The following VPS13B variants were observed in gnomAD, a reference collection of about 807,000 sequenced individuals.
VPS13B encodes the protein intermembrane lipid transfer protein VPS13B.
VPS13B carries 285 observed loss-of-function variants against 426.4 expected under a neutral mutation model. The observed-to-expected ratio is 0.67, with a 90% CI of 0.61 to 0.74. The LOEUF (loss-of-function observed/expected upper bound fraction) is 0.74, where lower values mean the gene tolerates loss of function less well. Ranked by LOEUF, VPS13B falls within the 30% of genes least tolerant of loss-of-function variation. The pLI is 0.00. For missense variants in VPS13B, 4,537 were observed against 4,782.6 expected, an observed-to-expected ratio of 0.95 and a Z score of 1.51; for synonymous variants, 1,676 against 1,676.4, an observed-to-expected ratio of 1.00 and a Z score of 0.01.
chr8:99,492,258 C>T (rs141159992), intron 25 of VPS13B, among the ~76,000 whole-genome samples: 5 of 152,248 alleles, frequency 3.3e-5, no homozygotes, highest in African/African-American at 9.6e-5. Context: ...GAGGGGCATC[C>T]GCCTGTATGA....
chr8:99,699,951 G>T lies in VPS13B; in HGVS notation c.6454+19G>T. 6.2e-7 allele frequency: 1 copy of T among 1,612,910 alleles called. No homozygotes were observed. The highest frequency in any genetic ancestry group is 8.5e-7 in the Non-Finnish European group (1 of 1,179,584). On this transcript the variant is annotated intron_variant, in intron 36 of 61. Coordinates refer to ENST00000357162, the MANE Select transcript of VPS13B (RefSeq NM_152564.5). ...GTACCTGGTAAGTCACAGAAAAGGG[G>T]AGGGGGGAGACAGAACAAGTAAGAT... is the stretch of plus-strand genomic sequence containing the variant.
chr8:99,640,811 C>G (rs112148820), intron 33 of VPS13B, among the ~76,000 whole-genome samples: 219 of 152,176 alleles, frequency 1.4e-3, no homozygotes, highest in African/African-American at 5.0e-3. Flanking sequence ...ACAAGTGAAG[C>G]AAACCTGTGC....
Position 99,481,573 on chromosome 8 carries a change from T to C in VPS13B, c.3667-26T>C, listed in dbSNP as rs770706816. 2.5e-6 allele frequency: 4 copies of C among 1,609,590 alleles called. No homozygotes were observed. In the South Asian group the frequency reaches 3.3e-5, roughly 13 times the overall value. On this transcript the variant is annotated intron_variant, in intron 24 of 61. Transcript: ENST00000357162. ...AAACTGGAAGTTGAAAGACTTGTTT[T>C]CTTTTCTTTTTTCTTATGCTCTCAG...
chr8:99,738,445 G>A (rs2122341), intron 39 of VPS13B, among the ~76,000 whole-genome samples: 5,177 of 152,226 alleles, frequency 0.034, 103 homozygotes, highest in East Asian at 0.046. Context: ...CTTAAAAGAT[G>A]GGTACTCAAA....
At chr8:99,071,808 T>A (rs1390434267) in intron 3 of VPS13B, among the ~76,000 whole-genome samples, 1 of 152,098 alleles carries the variant, frequency 6.6e-6, no homozygotes, top group Non-Finnish European at 1.5e-5. Flanking sequence ...CTTCCCACTG[T>A]TTCCTCTCCT....
At chr8:99,573,343 C>T (rs1825589375) in intron 31 of VPS13B, among the ~76,000 whole-genome samples, 1 of 152,124 alleles carries the variant, frequency 6.6e-6, no homozygotes, top group South Asian at 2.1e-4. Flanking sequence ...GTTGCCATTG[C>T]TTTTGTTGTT....
intron 7 of VPS13B, among the ~76,000 whole-genome samples, chr8:99,117,588 A>G (rs1315497031): frequency 1.3e-5 from 2 of 152,230 alleles, no homozygotes; most frequent in Non-Finnish European, 2.9e-5. Context: ...TGGCATATTC[A>G]TACATTGGAG....
intron 55 of VPS13B, among the ~76,000 whole-genome samples, chr8:99,850,661 C>A (rs1285257658): frequency 6.6e-6 from 1 of 152,148 alleles, no homozygotes; most frequent in African/African-American, 2.4e-5. Context: ...TGTGGTGGCT[C>A]ACACCTGTAA....
chr8:99,838,660 T>C (rs955694516), intron 54 of VPS13B, among the ~76,000 whole-genome samples: 8 of 152,118 alleles, frequency 5.3e-5, no homozygotes, highest in African/African-American at 1.9e-4. Flanking sequence ...GTGGAGGAGA[T>C]AGATAATAAG....
chr8:99,351,458 G>A (rs1811888704), intron 19 of VPS13B, among the ~76,000 whole-genome samples: 1 of 151,874 alleles, frequency 6.6e-6, no homozygotes, highest in Admixed American at 6.6e-5. Flanking sequence ...GTGTGTGTGT[G>A]TGTGTATGTA....
chr8:99,431,386 A>G, intron 21 of VPS13B, 151 bp from the exon 22 acceptor site: 1 of 1,071,454 alleles, frequency 9.3e-7, no homozygotes, highest in Non-Finnish European at 1.3e-6. Context: ...TCAGTTCTAT[A>G]AGAGAAAATG....
chr8:99,568,358 T>C (rs933466423), intron 31 of VPS13B, among the ~76,000 whole-genome samples: 5 of 151,696 alleles, frequency 3.3e-5, no homozygotes, highest in Admixed American at 6.6e-5. Context: ...TGGTGCAATC[T>C]CGTCTCACTG....
At chr8:99,743,296 C>G (rs1279319418) in intron 39 of VPS13B, among the ~76,000 whole-genome samples, 1 of 151,922 alleles carries the variant, frequency 6.6e-6, no homozygotes, top group Non-Finnish European at 1.5e-5. Flanking sequence ...AGGAGAACTA[C>G]AAACCACTGC....
Position 99,875,603 on chromosome 8 carries a change from T to G in VPS13B, c.11931T>G (p.Ala3977=). The G allele has an allele frequency of 6.2e-7, 1 of 1,614,188 alleles. No individual in the cohort carries two copies. The highest frequency in any genetic ancestry group is 1.1e-5 in the South Asian group (1 of 91,078). The stretch of plus-strand genomic sequence containing the variant: ...ATTACCTGGTTGATCCACATTTTGC[T>G]CAGGTCTTCCTTAGTAAATTTACCA... ...TYHYLVDPHF[A]QVFLSKFTMV... Residue 3977 remains alanine (A), a synonymous_variant, in exon 62 of 62, where the codon GCT becomes GCG. Coordinates refer to ENST00000357162, the MANE Select transcript of VPS13B (RefSeq NM_152564.5).
chr8:99,424,951 A>C (rs1257524412), intron 21 of VPS13B, among the ~76,000 whole-genome samples: 1 of 152,238 alleles, frequency 6.6e-6, no homozygotes, highest in Non-Finnish European at 1.5e-5. Context: ...ATGCAAATAA[A>C]CTAGAAAATC....
intron 43 of VPS13B, among the ~76,000 whole-genome samples, chr8:99,791,664 A>G (rs1812541558): frequency 1.3e-5 from 2 of 151,654 alleles, no homozygotes; most frequent in Admixed American, 6.6e-5. Flanking sequence ...AAATGATATA[A>G]ATGCCTAAGA....
At chr8:99,685,879 G>A (rs561249167) in intron 35 of VPS13B, among the ~76,000 whole-genome samples, 103 of 152,168 alleles carry the variant, frequency 6.8e-4, no homozygotes, top group Non-Finnish European at 1.3e-3. Context: ...GTGAGGTCAT[G>A]TTTGCCTGGA....
chr8:99,221,250 C>G (rs111705364), intron 17 of VPS13B, among the ~76,000 whole-genome samples: 1 of 146,556 alleles, frequency 6.8e-6, no homozygotes, highest in Non-Finnish European at 1.5e-5. Context: ...AATAAACATA[C>G]GTGTGCATGT....
At chr8:99,389,430 AC>A (rs2133307257) in intron 20 of VPS13B, among the ~76,000 whole-genome samples, 1 of 152,228 alleles carries the variant, frequency 6.6e-6, no homozygotes, top group Admixed American at 6.5e-5. Context: ...ACCCGTGTAT[AC>A]CTTTTGAGTC....
Sources: gnomAD v4.1 joint callset for allele counts (sites outside exome capture counted in the v4.1 genomes callset) on GRCh38, gnomAD v4.1.1 for gene constraint, MANE v1.5 for transcripts, NCBI Gene and HGNC (gene_info 2026-07-23, HGNC 2026-07-21) for gene names.